Variants in CFAP99 observed in about 807,000 individuals in gnomAD.
The protein encoded by CFAP99 is cilia- and flagella-associated protein 99.
CFAP99 carries 84 observed loss-of-function variants against 82.7 expected under a neutral mutation model. The observed-to-expected ratio is 1.02, with a 90% CI of 0.85 to 1.22. The LOEUF (loss-of-function observed/expected upper bound fraction) is 1.22. Among genes scored for constraint, CFAP99 ranks in the 50% most tolerant of loss-of-function variants. The probability of loss-of-function intolerance (pLI) is 0.00; values close to 1 mark genes in which losing one functional copy is unlikely to be tolerated. For missense variants in CFAP99, 1,059 were observed against 983.5 expected (o/e 1.08, Z -1.03); for synonymous variants, 456 against 429.5 (o/e 1.06, Z -0.76).
Position 2,443,111 on chromosome 4 carries a change from C to T in CFAP99, c.352-19C>T, listed in dbSNP as rs940749392. ...TGGGCCCAGGGCTCCGGCCCCCTGACAGCCCCCGTCCACCCCAGTTCCTCA... is the reference window on the plus strand; with the variant it reads ...TGGGCCCAGGGCTCCGGCCCCCTGATAGCCCCCGTCCACCCCAGTTCCTCA... On this transcript the variant is annotated intron_variant, in intron 4 of 14. Coordinates refer to ENST00000635017, the Ensembl canonical transcript of CFAP99. The T allele has an allele frequency of 7.1e-7, 1 of 1,403,400 alleles. No homozygotes were observed. The highest frequency in any genetic ancestry group is 9.7e-7 in the Non-Finnish European group (1 of 1,026,400). 86.9% of individuals were successfully genotyped at this position (1,403,400 alleles called of 1,614,324 possible). A position where few individuals can be genotyped will look rare whatever the true frequency, so the allele number is the denominator to read the frequency against.
In CFAP99 at chr4:2,433,586, C is replaced by G. The variant is rs540369605; in HGVS notation, c.112-3288C>G. Reference sequence around the variant, plus strand: ...GGGGAGCCCTCACCCACCGAGCCCCCTCTCCATGCCCAGCCTCACTCACAG... The same window carrying G: ...GGGGAGCCCTCACCCACCGAGCCCCGTCTCCATGCCCAGCCTCACTCACAG... On this transcript the variant is annotated intron_variant, in intron 2 of 14. Transcript: ENST00000635017. Among the ~76,000 whole-genome samples the G allele has an allele frequency of 8.1e-4, 123 of 152,338 alleles. 1 individual carries two copies. Among genetic ancestry groups the G allele is most frequent in the African/African-American group, 2.9e-3 (119 of 41,590 alleles).
chr4:2,428,317 TC>T (rs1733726706), intron 2 of CFAP99: 2 of 152,434 alleles, frequency 1.3e-5, no homozygotes, highest in African/African-American at 4.8e-5. Context: ...CAGCAGCTCC[TC>T]CTATCCGTCC....
intron 11 of CFAP99, among the ~76,000 whole-genome samples, chr4:2,454,595 T>TTTTTTTTTTTTTTTTTTTTTC (rs1734384944): frequency 9.3e-6 from 1 of 107,950 alleles, no homozygotes; most frequent in Non-Finnish European, 1.8e-5. Flanking sequence ...TTTTTTTTTG[T>TTTTTTTTTTTTTTTTTTTTTC]TTTTTTTTTT....
intron 2 of CFAP99, among the ~76,000 whole-genome samples, chr4:2,433,428 G>C (rs183314472): frequency 0.013 from 1,724 of 137,784 alleles, 11 homozygotes; most frequent in Non-Finnish European, 0.019. Context: ...TACACGGGGC[G>C]GGGGGGGGAC....
intron 1 of CFAP99, among the ~76,000 whole-genome samples, chr4:2,425,788 A>G (rs1264511403): frequency 6.6e-6 from 1 of 152,010 alleles, no homozygotes; most frequent in Non-Finnish European, 1.5e-5. Context: ...CCCCCTAGGC[A>G]GCTTCTCCAA....
chr4:2,433,888 C>T lies in CFAP99; in HGVS notation c.112-2986C>T, dbSNP rs555672351. On this transcript the variant is annotated intron_variant, in intron 2 of 14. Coordinates refer to ENST00000635017, the Ensembl canonical transcript of CFAP99. The stretch of plus-strand genomic sequence containing the variant: ...AACAGCCAGGGCGGGCTGGGGACTC[C>T]GAGGGAGCTGGGCACTTCCATGCAG... Among the ~76,000 whole-genome samples the T allele has an allele frequency of 3.9e-5, 6 of 152,300 alleles. No individual in the cohort carries two copies. The East Asian group carries it at 1.2e-3, about 29-fold the overall frequency.
chr4:2,427,841 G>A (rs949534417), intron 2 of CFAP99: 1 of 152,316 alleles, frequency 6.6e-6, no homozygotes, highest in Admixed American at 6.5e-5. Context: ...AGGCTACAGG[G>A]GTTGGGGCCA....
At chr4:2,449,673 C>T (rs1560386628) in exon 7 of CFAP99, 1 of 1,535,994 alleles carries the variant, frequency 6.5e-7, no homozygotes, top group Admixed American at 2.0e-5. Context: ...TCAGCAGGTC[C>T]CCCAGAGCAC....
intron 4 of CFAP99, among the ~76,000 whole-genome samples, chr4:2,438,452 C>T (rs889098000): frequency 1.2e-4 from 19 of 152,026 alleles, no homozygotes; most frequent in African/African-American, 1.9e-4. Context: ...TTAGTAGAGA[C>T]GGGGTTTCAC....
rs1020559346 is a variant in CFAP99 at position 2,460,514 on chromosome 4, G to A, written c.1661+272G>A. On this transcript the variant is annotated intron_variant, in intron 14 of 14. Transcript: ENST00000635017. The stretch of plus-strand genomic sequence containing the variant: ...TCATGGGTCCAACCTTTCACCATAT[G>A]TGCTTCACGTAGCCAGCTAGCTATT... Among the ~76,000 whole-genome samples, 3 of 152,192 alleles carry A rather than the reference G, an allele frequency of 2.0e-5. No homozygotes were observed. In the East Asian group the frequency reaches 5.8e-4, roughly 29 times the overall value.
At chr4:2,451,889 G>C (rs963853682) in intron 10 of CFAP99, among the ~76,000 whole-genome samples, 13 of 151,866 alleles carry the variant, frequency 8.6e-5, no homozygotes, top group African/African-American at 3.1e-4. Context: ...GTTGGACAGA[G>C]TGAGGGTAGA....
At chr4:2,438,285 C>T (rs894134537) in intron 4 of CFAP99, 121 bp downstream of exon 4, 19 of 678,428 alleles carry the variant, frequency 2.8e-5, no homozygotes, top group African/African-American at 2.1e-4. Flanking sequence ...TGTTTTGAGA[C>T]GGAGTCTCAC....
chr4:2,459,934 A>T lies in CFAP99; in HGVS notation c.1456-103A>T, dbSNP rs892245225. On this transcript the variant is annotated intron_variant, in intron 13 of 14. Transcript: ENST00000635017. ...CATAAGCAGTGTTGAAGCAGAGGGA[A>T]GGTGGGCAAGGGGTGGGCCTATGGA... 6 of 986,890 alleles carry T rather than the reference A, an allele frequency of 6.1e-6. No individual in the cohort carries two copies. The African/African-American group carries it at 9.7e-5, about 16-fold the overall frequency. 61.1% of individuals were successfully genotyped at this position (986,890 alleles called of 1,614,324 possible).
exon 10 of CFAP99, chr4:2,451,341 G>A: frequency 6.5e-7 from 1 of 1,535,692 alleles, no homozygotes; most frequent in Non-Finnish European, 8.7e-7. Flanking sequence ...AGGTGGAGCA[G>A]GAGCTGCAGA....
intron 4 of CFAP99, among the ~76,000 whole-genome samples, 187 bp from the exon 5 acceptor site, chr4:2,442,943 G>A (rs1485183270): frequency 1.9e-5 from 2 of 105,520 alleles, no homozygotes. Flanking sequence ...GGCCTTGGGG[G>A]GAGCCACTGG....
intron 11 of CFAP99, among the ~76,000 whole-genome samples, chr4:2,454,594 G>GGTTTTTTTTTTTTTTTTTTTTTTTTT (rs1560388808): frequency 3.5e-5 from 3 of 84,538 alleles, no homozygotes; most frequent in African/African-American, 4.2e-5. Context: ...TTTTTTTTTT[G>GGTTTTTTTTTTTTTTTTTTTTTTTTT]TTTTTTTTTT....
At chr4:2,447,295 T>C (rs1025199684) in intron 6 of CFAP99, among the ~76,000 whole-genome samples, 1 of 150,712 alleles carries the variant, frequency 6.6e-6, no homozygotes, top group African/African-American at 2.4e-5. Context: ...CATGGAAGGA[T>C]AAGTGAATGA....
At chr4:2,454,581 C>CTTTTTTTTTTGGTTT (rs1734378400) in intron 11 of CFAP99, among the ~76,000 whole-genome samples, 1 of 94,722 alleles carries the variant, frequency 1.1e-5, no homozygotes, top group East Asian at 2.7e-4. Context: ...TGTTTTTTTT[C>CTTTTTTTTTTGGTTT]TTTTTTTTTT....
At chr4:2,435,883 G>T (rs1733897251) in intron 2 of CFAP99, among the ~76,000 whole-genome samples, 1 of 151,592 alleles carries the variant, frequency 6.6e-6, no homozygotes, top group South Asian at 2.1e-4. Flanking sequence ...AGGAGGCCGA[G>T]GTGGGGAGCA....
Sources: gnomAD v4.1 joint callset for allele counts (sites outside exome capture counted in the v4.1 genomes callset) on GRCh38, gnomAD v4.1.1 for gene constraint, MANE v1.5 for transcripts, NCBI Gene and HGNC (gene_info 2026-07-23, HGNC 2026-07-21) for gene names.